TBC1D15: variants seen among roughly 807,000 people sequenced by gnomAD.
TBC1D15 encodes the protein GAP for RAB7.
In TBC1D15, 39 loss-of-function variants were observed where a neutral mutation model predicts 95.4. That is an observed-to-expected ratio of 0.41 (90% CI 0.32 to 0.53). The LOEUF is 0.53. Among genes scored for constraint, TBC1D15 ranks in the 20% least tolerant of loss-of-function variants. TBC1D15 has a pLI of 0.29. For synonymous variants in TBC1D15, 258 were observed against 261.3 expected, an observed-to-expected ratio of 0.99 and a Z score of 0.12; for missense variants, 733 against 794.3, an observed-to-expected ratio of 0.92 and a Z score of 0.93.
At chr12:71,851,771 C>T (rs1887884811) in intron 1 of TBC1D15, among the ~76,000 whole-genome samples, 1 of 152,244 alleles carries the variant, frequency 6.6e-6, no homozygotes, top group Admixed American at 6.5e-5. Context: ...GGGTGGGCAC[C>T]CAAGGCCTTG....
chr12:71,875,182 G>T (rs1270862370), intron 3 of TBC1D15, among the ~76,000 whole-genome samples: 3 of 152,114 alleles, frequency 2.0e-5, no homozygotes, highest in African/African-American at 7.2e-5. Flanking sequence ...CAAGCAGTCT[G>T]CCCGCCTTGG....
intron 3 of TBC1D15, among the ~76,000 whole-genome samples, chr12:71,878,840 A>C (rs1894534735): frequency 6.6e-6 from 1 of 151,918 alleles, no homozygotes; most frequent in African/African-American, 2.4e-5. Context: ...AAAAAAAAAA[A>C]AACTAGTCAA....
chr12:71,868,240 CTTTTT>C (rs771782876), intron 1 of TBC1D15, among the ~76,000 whole-genome samples: 2 of 132,380 alleles, frequency 1.5e-5, no homozygotes, highest in African/African-American at 5.7e-5. Context: ...GCAGCTTTGA[CTTTTT>C]TTTTTTTTTT....
At chr12:71,898,789 T>C (rs992842238) in intron 10 of TBC1D15, among the ~76,000 whole-genome samples, 1 of 152,190 alleles carries the variant, frequency 6.6e-6, no homozygotes, top group African/African-American at 2.4e-5. Flanking sequence ...GAAATAATTT[T>C]TTAAATTATA....
At chr12:71,888,638 A>T (rs1896690497) in intron 5 of TBC1D15, among the ~76,000 whole-genome samples, 2 of 152,110 alleles carry the variant, frequency 1.3e-5, no homozygotes, top group South Asian at 4.2e-4. Flanking sequence ...TGAGGATGTG[A>T]ATGAGAGCAG....
At chr12:71,901,363 GA>G (rs1899357363) in intron 10 of TBC1D15, among the ~76,000 whole-genome samples, 1 of 151,950 alleles carries the variant, frequency 6.6e-6, no homozygotes, top group African/African-American at 2.4e-5. Context: ...ACTAAGATGG[GA>G]AAAACTGTTA....
At chr12:71,917,592 G>T in intron 12 of TBC1D15, 106 bp from the exon 13 acceptor site, 2 of 667,344 alleles carry the variant, frequency 3.0e-6, no homozygotes, top group Non-Finnish European at 4.8e-6. Context: ...TACCAGTGTG[G>T]TATAAGTTCA....
intron 7 of TBC1D15, among the ~76,000 whole-genome samples, chr12:71,895,581 T>C (rs943910603): frequency 4.6e-5 from 7 of 152,098 alleles, no homozygotes; most frequent in Admixed American, 4.6e-4. Context: ...TTATATATTC[T>C]CTCTTTTTAA....
At chr12:71,856,587 C>T (rs1308390652) in intron 1 of TBC1D15, among the ~76,000 whole-genome samples, 1 of 150,914 alleles carries the variant, frequency 6.6e-6, no homozygotes, top group Non-Finnish European at 1.5e-5. Context: ...CTTTTTTTTC[C>T]TGACTTATTT....
rs1184388264 is a variant in TBC1D15, at chr12:71,924,302, T to C, written c.*1098T>C. ...CTCCTGTATATATCATTAAAATAAA[T>C]CTGAAGTTGAAGTAGTGTTTTTAGT... On this transcript the variant is annotated 3_prime_UTR_variant, in exon 17 of 17. Coordinates refer to ENST00000485960, the MANE Select transcript of TBC1D15 (RefSeq NM_001146213.3). The C allele has an allele frequency of 6.6e-6, 1 of 152,624 alleles. No homozygotes were observed. Among genetic ancestry groups the C allele is most frequent in the East Asian group, 1.9e-4 (1 of 5,190 alleles). 9.5% of individuals were successfully genotyped at this position (152,624 alleles called of 1,614,324 possible).
At chr12:71,854,625 A>G (rs562344741) in intron 1 of TBC1D15, 1 of 456,704 alleles carries the variant, frequency 2.2e-6, no homozygotes, top group Non-Finnish European at 4.4e-6. Context: ...AGAATGTGCC[A>G]GTAGATGTTT....
intron 10 of TBC1D15, among the ~76,000 whole-genome samples, chr12:71,901,593 A>G (rs1431637195): frequency 6.6e-6 from 1 of 152,158 alleles, no homozygotes; most frequent in Non-Finnish European, 1.5e-5. Context: ...AAAAGTAGGC[A>G]TCAAAGGTAC....
At chr12:71,894,449 A>G (rs1897793506) in intron 6 of TBC1D15, 4 of 1,436,108 alleles carry the variant, frequency 2.8e-6, no homozygotes, top group Non-Finnish European at 3.9e-6. Context: ...TCTGCAATTC[A>G]ATCAGTAGCA....
At chr12:71,907,196 C>A in intron 11 of TBC1D15, 58 bp downstream of exon 11, 1 of 1,079,506 alleles carries the variant, frequency 9.3e-7, no homozygotes, top group Non-Finnish European at 1.3e-6. Context: ...TTAGAGTTTA[C>A]ATTTTTAATC....
chr12:71,840,363 A>AGC (rs1406336916), intron 1 of TBC1D15, among the ~76,000 whole-genome samples: 1 of 152,016 alleles, frequency 6.6e-6, no homozygotes, highest in Non-Finnish European at 1.5e-5. Context: ...GAGCAGCAGG[A>AGC]CGTGTTTCCT....
In TBC1D15 at chr12:71,890,302, C is replaced by G. The variant is rs1592770375; in HGVS notation, c.555-2920C>G. ...AAACGATGTTTCCAGAGTCTTATTTCTATGGTCAAAGATTGTTTTAGAGAC... is the reference window on the plus strand; with the variant it reads ...AAACGATGTTTCCAGAGTCTTATTTGTATGGTCAAAGATTGTTTTAGAGAC... On this transcript the variant is annotated intron_variant, in intron 5 of 16. Coordinates refer to ENST00000485960, the MANE Select transcript of TBC1D15 (RefSeq NM_001146213.3). 2.0e-5 allele frequency among the ~76,000 whole-genome samples: 3 copies of G among 152,100 alleles called. No homozygotes were observed. The South Asian group carries it at 6.2e-4, about 32-fold the overall frequency.
chr12:71,910,293 T>C (rs7962236), intron 11 of TBC1D15, among the ~76,000 whole-genome samples: 55,473 of 146,026 alleles, frequency 0.38, 12,517 homozygotes, highest in African/African-American at 0.62. Flanking sequence ...AATCAGGTAG[T>C]GTGATGCCTC....
intron 7 of TBC1D15, among the ~76,000 whole-genome samples, chr12:71,895,276 T>C (rs1897944334): frequency 2.0e-5 from 3 of 152,098 alleles, no homozygotes; most frequent in Non-Finnish European, 4.4e-5. Context: ...AATACTTCCT[T>C]TTTTAAGTAA....
In TBC1D15 at chr12:71,922,981, A is replaced by G; in HGVS notation, c.1804-2A>G. On this transcript the variant is annotated splice_acceptor_variant, in intron 16 of 16. Coordinates refer to ENST00000485960, the MANE Select transcript of TBC1D15 (RefSeq NM_001146213.3). LOFTEE classifies it high-confidence loss of function. ...GTTTTGAGTTTGATTTTTCATATCC[A>G]GGAATTGCCACAAGCAGTCTGTGAG... is the stretch of plus-strand genomic sequence containing the variant. 1.2e-6 allele frequency: 2 copies of G among 1,613,784 alleles called. No homozygotes were observed. The highest frequency in any genetic ancestry group is 1.7e-6 in the Non-Finnish European group (2 of 1,179,630).
Sources: allele counts gnomAD v4.1 joint callset (sites outside exome capture counted in the v4.1 genomes callset), GRCh38; gene constraint gnomAD v4.1.1; transcripts MANE v1.5; gene names NCBI Gene and HGNC (gene_info 2026-07-23, HGNC 2026-07-21).